The following NASP variants were observed in gnomAD, a reference collection of about 807,000 sequenced individuals.
NASP encodes the protein nuclear autoantigenic sperm protein, also known as NASP histone chaperone.
In NASP, 24 loss-of-function variants were observed where a neutral mutation model predicts 89.5. The ratio of observed to expected loss-of-function variants is 0.27; its 90% CI spans 0.19 to 0.38. NASP has a LOEUF of 0.38. Ranked by LOEUF, NASP falls within the 10% of genes least tolerant of loss-of-function variation. The pLI, the probability that NASP is intolerant of heterozygous loss-of-function variation, is 1.00. For missense variants in NASP, 848 were observed against 921.4 expected (o/e 0.92, Z 1.03); for synonymous variants, 306 against 324.7 (o/e 0.94, Z 0.62).
At chr1:45,596,751 G>C (rs1643706108) in intron 2 of NASP, among the ~76,000 whole-genome samples, 1 of 152,188 alleles carries the variant, frequency 6.6e-6, no homozygotes, top group South Asian at 2.1e-4. Context: ...CAGTACTTTG[G>C]GAGGCTGAGG....
Position 45,602,747 on chromosome 1 carries a change from A to C in NASP, c.218+382A>C, listed in dbSNP as rs950297351. Among the ~76,000 whole-genome samples, 20 of 152,028 alleles carry C rather than the reference A, an allele frequency of 1.3e-4. 1 individual carries two copies. The highest frequency in any genetic ancestry group is 4.6e-4 in the African/African-American group (19 of 41,412). ...GCAGCCTCAACCTCCCAGGCTCCCC[A>C]GTAGCTGGGACCATAGGTGTGTGCC... On this transcript the variant is annotated intron_variant, in intron 3 of 14. Transcript: ENST00000350030.
At position 45,618,595 on chromosome 1, in the gene NASP, G is replaced by A. The variant is rs1557669980; in HGVS notation, c.*454G>A. On this transcript the variant is annotated 3_prime_UTR_variant, in exon 15 of 15. Coordinates refer to ENST00000350030, the MANE Select transcript of NASP (RefSeq NM_002482.4). The stretch of plus-strand genomic sequence containing the variant: ...TTTGGCTGTGAGCCAGGCCTAGGAT[G>A]GTTCTTGTCCTATATCCACCTAGTC... 1 of 161,052 alleles carries A rather than the reference G, an allele frequency of 6.2e-6. No homozygotes were observed. Among genetic ancestry groups the A allele is most frequent in the Non-Finnish European group, 1.4e-5 (1 of 72,838 alleles). The allele number at this position is 161,052 out of a possible 1,614,324, so 10.0% of individuals were successfully genotyped here.
intron 12 of NASP, 32 bp from the exon 13 acceptor site, chr1:45,616,594 G>A (rs1181827264): frequency 1.3e-6 from 2 of 1,599,386 alleles, no homozygotes; most frequent in Middle Eastern, 1.7e-4. Context: ...CATATAGCTT[G>A]TACAATTGCT....
Position 45,599,379 on chromosome 1 carries a change from C to T in NASP, c.108-2876C>T, listed in dbSNP as rs145002778. Among the ~76,000 whole-genome samples, 541 of 151,602 alleles carry T rather than the reference C, an allele frequency of 3.6e-3. 7 individuals are homozygous for T. Among genetic ancestry groups the T allele is most frequent in the East Asian group, 0.035 (181 of 5,140 alleles). On this transcript the variant is annotated intron_variant, in intron 2 of 14. Transcript: ENST00000350030. Reference sequence around the variant, plus strand: ...ACCTTCGCCTCCCAAAGTGCTGGGACTACAGGCATGAGCCACCATGCTCAG... The same window carrying T: ...ACCTTCGCCTCCCAAAGTGCTGGGATTACAGGCATGAGCCACCATGCTCAG...
chr1:45,598,140 G>T, intron 2 of NASP, among the ~76,000 whole-genome samples: 1 of 148,900 alleles, frequency 6.7e-6, no homozygotes, highest in Admixed American at 6.7e-5. Context: ...AATCTTGTCA[G>T]TAACATTTGA....
intron 5 of NASP, 42 bp downstream of exon 5, chr1:45,606,633 T>C (rs1177736344): frequency 7.2e-7 from 1 of 1,382,738 alleles, no homozygotes; most frequent in Non-Finnish European, 1.0e-6. Flanking sequence ...TGCGACGTTG[T>C]ATATTTCTTG....
At chr1:45,601,945 G>A (rs1643858012) in intron 2 of NASP, among the ~76,000 whole-genome samples, 1 of 151,558 alleles carries the variant, frequency 6.6e-6, no homozygotes, top group East Asian at 1.9e-4. Flanking sequence ...GTAGAGACGG[G>A]GTTTCACCAT....
intron 1 of NASP, among the ~76,000 whole-genome samples, chr1:45,586,239 C>CGT (rs537983711): frequency 0.039 from 4,298 of 110,054 alleles, 130 homozygotes; most frequent in East Asian, 0.065. Context: ...CCTACCGTGC[C>CGT]GTGTGTGTGT....
intron 6 of NASP, among the ~76,000 whole-genome samples, chr1:45,609,072 T>C (rs936042134): frequency 2.6e-5 from 4 of 152,204 alleles, no homozygotes; most frequent in African/African-American, 9.7e-5. Context: ...TAGAATATTA[T>C]AAAGTGTGGA....
Position 45,607,371 on chromosome 1 carries a change from AAAG to A in NASP, c.467_469del (p.Glu156del), listed in dbSNP as rs775616770. ...ACAGGTTTATGACGCCATGGGAGAA[AAAG>A]AAGAAGCCAAAAAAACAGAAGACAA... On this transcript the variant is annotated inframe_deletion, in exon 6 of 15. Transcript: ENST00000350030. The A allele has an allele frequency of 2.2e-5, 36 of 1,614,136 alleles. No individual in the cohort carries two copies. The highest frequency in any genetic ancestry group is 8.3e-5 in the Admixed American group (5 of 60,024).
In NASP at chr1:45,607,416, G is replaced by A. The variant is rs200782827; in HGVS notation, c.505G>A (p.Glu169Lys). Residue 169 changes from glutamate (E) to lysine (K), a missense_variant, in exon 6 of 15, where the codon GAA becomes AAA. By Grantham distance (56) the Glu-to-Lys change is moderately conservative. Around this residue, in one of 5 missense-constraint regions of NASP, gnomAD observed 464 missense variants for 469.4 expected, o/e 0.99. Coordinates refer to ENST00000350030, the MANE Select transcript of NASP (RefSeq NM_002482.4). ...KTEDKSLAKP[E>K]TDKEQDSEME... ...AGAAGACAAGTCTTTGGCAAAGCCT[G>A]AAACTGATAAAGAACAGGACAGTGA... 260 of 1,613,838 alleles carry A rather than the reference G, an allele frequency of 1.6e-4. No homozygotes were observed. Among genetic ancestry groups the A allele is most frequent in the Non-Finnish European group, 2.1e-4 (251 of 1,179,970 alleles).
At chr1:45,594,352 T>G (rs1325192678) in intron 2 of NASP, among the ~76,000 whole-genome samples, 3 of 151,854 alleles carry the variant, frequency 2.0e-5, no homozygotes, top group African/African-American at 7.3e-5. Context: ...ACAACAAAAT[T>G]TCTTGTGAGT....
chr1:45,584,087 A>C lies in NASP; in HGVS notation c.-60A>C, dbSNP rs1409442683. The C allele has an allele frequency of 2.7e-6, 4 of 1,485,658 alleles. No homozygotes were observed. The highest frequency in any genetic ancestry group is 2.8e-6 in the Non-Finnish European group (3 of 1,088,738). 92.0% of individuals were successfully genotyped at this position (1,485,658 alleles called of 1,614,324 possible). On this transcript the variant is annotated 5_prime_UTR_variant, in exon 1 of 15. Transcript: ENST00000350030. ...CCCTGAGTGAGTCTCTGGCGTCCCAAATTGCCTGTTTTTCTCGCAGGCTCT... is the reference window on the plus strand; with the variant it reads ...CCCTGAGTGAGTCTCTGGCGTCCCACATTGCCTGTTTTTCTCGCAGGCTCT...
chr1:45,584,066 G>T lies in NASP; in HGVS notation c.-81G>T, dbSNP rs752398013. On this transcript the variant is annotated 5_prime_UTR_variant, in exon 1 of 15. Transcript: ENST00000350030. ...CTCTAATCTGCCATTTTCTGTCCCT[G>T]AGTGAGTCTCTGGCGTCCCAAATTG... 5.2e-6 allele frequency: 7 copies of T among 1,357,124 alleles called. No homozygotes were observed. The highest frequency in any genetic ancestry group is 7.2e-6 in the Non-Finnish European group (7 of 975,330). 84.1% of individuals were successfully genotyped at this position (1,357,124 alleles called of 1,614,324 possible).
At chr1:45,593,624 G>A (rs1643609491) in intron 2 of NASP, among the ~76,000 whole-genome samples, 1 of 145,820 alleles carries the variant, frequency 6.9e-6, no homozygotes, top group South Asian at 2.2e-4. Flanking sequence ...CAAAGAACAT[G>A]TTTATGTAAA....
At chr1:45,584,913 A>T (rs1023937143) in intron 1 of NASP, among the ~76,000 whole-genome samples, 3 of 152,088 alleles carry the variant, frequency 2.0e-5, no homozygotes, top group African/African-American at 7.2e-5. Flanking sequence ...CGACTCCGTG[A>T]GCCCCTGCCT....
intron 2 of NASP, among the ~76,000 whole-genome samples, chr1:45,591,667 T>G (rs1159981452): frequency 2.0e-5 from 3 of 152,144 alleles, no homozygotes; most frequent in African/African-American, 7.2e-5. Flanking sequence ...CTCCTCCCCC[T>G]GTAACGTTTC....
intron 5 of NASP, 176 bp downstream of exon 5, chr1:45,606,767 G>T (rs1243132384): frequency 2.2e-6 from 1 of 448,730 alleles, no homozygotes; most frequent in Non-Finnish European, 4.0e-6. Flanking sequence ...GCTGACAGCA[G>T]ATTTTTGAAA....
At chr1:45,599,367 A>G (rs1002377898) in intron 2 of NASP, among the ~76,000 whole-genome samples, 3 of 152,114 alleles carry the variant, frequency 2.0e-5, no homozygotes, top group African/African-American at 4.8e-5. Flanking sequence ...TTCGCCTCCC[A>G]AAGTGCTGGG....
Sources: allele counts gnomAD v4.1 joint callset (sites outside exome capture counted in the v4.1 genomes callset), GRCh38; gene constraint gnomAD v4.1.1; regional missense constraint gnomAD v4.1.1; transcripts MANE v1.5; gene names NCBI Gene and HGNC (gene_info 2026-07-23, HGNC 2026-07-21).